Variants in DAB1 observed in about 807,000 individuals in gnomAD.
DAB1 encodes the protein DAB adaptor protein 1, also known as disabled homolog 1.
Under a neutral mutation model 64.6 loss-of-function variants are expected in DAB1, and 15 were observed. That is an observed-to-expected ratio of 0.23 (90% confidence interval 0.16 to 0.36). DAB1 has a LOEUF of 0.36. Ranked by LOEUF, DAB1 falls within the 10% of genes least tolerant of loss-of-function variation. The pLI is 1.00. For synonymous variants in DAB1, 235 were observed against 251.9 expected, an observed-to-expected ratio of 0.93 and a Z score of 0.64; for missense variants, 596 against 706.7, an observed-to-expected ratio of 0.84 and a Z score of 1.78.
intron 3 of DAB1, among the ~76,000 whole-genome samples, chr1:58,410,553 A>G (rs767535561): frequency 6.6e-6 from 1 of 152,342 alleles, no homozygotes; most frequent in South Asian, 2.1e-4. Context: ...CAGCATGAAT[A>G]GGCTGGAAAT....
chr1:58,516,684 C>T (rs527617842), intron 2 of DAB1, among the ~76,000 whole-genome samples: 1 of 152,108 alleles, frequency 6.6e-6, no homozygotes, highest in Non-Finnish European at 1.5e-5. Flanking sequence ...TGAGTAACAT[C>T]GTTTTTGTGA....
chr1:57,088,125 C>T (rs369369971), intron 4 of DAB1, among the ~76,000 whole-genome samples: 1 of 152,222 alleles, frequency 6.6e-6, no homozygotes, highest in Non-Finnish European at 1.5e-5. Context: ...GGCTGGAGTG[C>T]AATGGCCCAA....
chr1:58,219,307 T>C (rs1230877128), intron 4 of DAB1, among the ~76,000 whole-genome samples: 2 of 152,054 alleles, frequency 1.3e-5, no homozygotes, highest in African/African-American at 2.4e-5. Context: ...AAATGCTTCT[T>C]ATATAGAAAA....
At position 58,357,733 on chromosome 1, in the gene DAB1, T is replaced by C. The variant is rs571310169; in HGVS notation, n.258-14330A>G. 4.6e-5 allele frequency among the ~76,000 whole-genome samples: 7 copies of C among 152,326 alleles called. No individual in the cohort carries two copies. In the South Asian group the frequency reaches 1.5e-3, roughly 32 times the overall value. ...CTGATAATGTGCATATCTGACAAGC[T>C]GGTAGGTAATGCAGGTGCTGTGTAG... On this transcript the variant is annotated intron_variant and non_coding_transcript_variant, in intron 3 of 20. Transcript: ENST00000485760.
chr1:58,542,871 T>C (rs1039688187), intron 1 of DAB1, among the ~76,000 whole-genome samples: 2 of 152,162 alleles, frequency 1.3e-5, no homozygotes, highest in Non-Finnish European at 2.9e-5. Flanking sequence ...ACTGAAAAGA[T>C]TTTACATAAA....
intron 5 of DAB1, among the ~76,000 whole-genome samples, chr1:57,894,383 G>T (rs1214921975): frequency 6.6e-6 from 1 of 152,134 alleles, no homozygotes; most frequent in Non-Finnish European, 1.5e-5. Flanking sequence ...TATGGTATGT[G>T]CTCATTTTAG....
intron 1 of DAB1, among the ~76,000 whole-genome samples, chr1:57,393,507 C>T (rs1426011774): frequency 6.6e-6 from 1 of 151,680 alleles, no homozygotes; most frequent in Non-Finnish European, 1.5e-5. Flanking sequence ...GCCTGGGCAA[C>T]ATGGTGAGGC....
chr1:57,039,338 T>G (rs1647414638), intron 9 of DAB1, among the ~76,000 whole-genome samples: 1 of 152,022 alleles, frequency 6.6e-6, no homozygotes, highest in Admixed American at 6.6e-5. Flanking sequence ...CTTTTGAAAT[T>G]TACAGAAAGG....
chr1:57,966,395 C>T (rs1337454964), intron 5 of DAB1, among the ~76,000 whole-genome samples: 4 of 152,052 alleles, frequency 2.6e-5, no homozygotes, highest in Non-Finnish European at 5.9e-5. Flanking sequence ...AAGAAGCTGG[C>T]GCAACCTGCT....
intron 4 of DAB1, among the ~76,000 whole-genome samples, chr1:58,247,021 A>G (rs1384899890): frequency 1.3e-5 from 2 of 152,096 alleles, no homozygotes; most frequent in Non-Finnish European, 2.9e-5. Context: ...GCCTTGGGCA[A>G]TAGGGAGCAC....
chr1:57,232,719 A>G (rs973655968), intron 2 of DAB1, among the ~76,000 whole-genome samples: 9 of 152,174 alleles, frequency 5.9e-5, no homozygotes, highest in Admixed American at 5.9e-4. Flanking sequence ...GTGAGCTGAC[A>G]TTTATTAGGC....
chr1:57,389,107 C>A (rs902384291), intron 1 of DAB1, among the ~76,000 whole-genome samples: 1 of 152,196 alleles, frequency 6.6e-6, no homozygotes, highest in Non-Finnish European at 1.5e-5. Flanking sequence ...TTGTCCTATG[C>A]ACCCCCAAAC....
Position 58,470,116 on chromosome 1 carries a change from CTTTA to C in DAB1, n.257+35940_257+35943del, listed in dbSNP as rs72061301. On this transcript the variant is annotated intron_variant and non_coding_transcript_variant, in intron 3 of 20. Coordinates refer to the DAB1 transcript ENST00000485760. Reference sequence around the variant, plus strand: ...CAAAACAGCAAAGCTGGGACTTTCTCTTTATTTATTTATTTATTTATTTATTTAT... The same window carrying C: ...CAAAACAGCAAAGCTGGGACTTTCTCTTTATTTATTTATTTATTTATTTAT... Among the ~76,000 whole-genome samples the C allele has an allele frequency of 7.0e-3, 1,013 of 145,066 alleles. 4 individuals carry two copies. Among genetic ancestry groups the C allele is most frequent in the East Asian group, 0.016 (78 of 4,948 alleles).
chr1:57,382,087 G>A (rs1023444201), intron 1 of DAB1, among the ~76,000 whole-genome samples: 4 of 152,154 alleles, frequency 2.6e-5, no homozygotes, highest in African/African-American at 9.7e-5. Context: ...GTATGATAAA[G>A]CTTTCACCCT....
At chr1:57,977,979 G>C (rs1162636199) in intron 5 of DAB1, among the ~76,000 whole-genome samples, 3 of 152,132 alleles carry the variant, frequency 2.0e-5, no homozygotes, top group Admixed American at 6.6e-5. Flanking sequence ...CGTGAAAATG[G>C]CCATACTGCC....
intron 3 of DAB1, among the ~76,000 whole-genome samples, chr1:58,394,196 A>C (rs1162259962): frequency 2.0e-5 from 3 of 152,340 alleles, no homozygotes; most frequent in African/African-American, 7.2e-5. Context: ...CATGGTTAAA[A>C]ATAAAAAGAC....
At position 57,336,512 on chromosome 1, in the gene DAB1, G is replaced by A. The variant is rs75208841; in HGVS notation, c.-136-45346C>T. On this transcript the variant is annotated intron_variant, in intron 1 of 14. Coordinates refer to ENST00000371236, the MANE Select transcript of DAB1 (RefSeq NM_001365792.1). The stretch of plus-strand genomic sequence containing the variant: ...TGGAACTCACAGCAACACTAGGAAG[G>A]AGTTTTGATTCCTGTGTGTCAGGCA... 1.8e-3 allele frequency among the ~76,000 whole-genome samples: 272 copies of A among 152,328 alleles called. 1 individual carries two copies. Among genetic ancestry groups the A allele is most frequent in the Middle Eastern group, 3.4e-3 (1 of 294 alleles).
At chr1:58,048,365 C>T in intron 5 of DAB1, 1 of 968,652 alleles carries the variant, frequency 1.0e-6, no homozygotes, top group East Asian at 2.4e-5. Flanking sequence ...ACTGTAGCTT[C>T]CACCACCTCC....
At chr1:57,518,286 C>G (rs1052711898) in intron 7 of DAB1, among the ~76,000 whole-genome samples, 1 of 152,104 alleles carries the variant, frequency 6.6e-6, no homozygotes, top group African/African-American at 2.4e-5. Context: ...TTTTCTTGTA[C>G]TGGAATCTGC....
Sources: gnomAD v4.1 joint callset for allele counts (sites outside exome capture counted in the v4.1 genomes callset) on GRCh38, gnomAD v4.1.1 for gene constraint, MANE v1.5 for transcripts, NCBI Gene and HGNC (gene_info 2026-07-23, HGNC 2026-07-21) for gene names.